The following BNC2 variants were observed in gnomAD, a reference collection of about 807,000 sequenced individuals.
BNC2 encodes the protein basonuclin zinc finger protein 2.
Under a neutral mutation model 76.3 loss-of-function variants are expected in BNC2, and 20 were observed. The observed-to-expected ratio is 0.26, with a 90% CI of 0.18 to 0.38. The LOEUF (loss-of-function observed/expected upper bound fraction) is 0.38, where lower values mean the gene tolerates loss of function less well. Among genes scored for constraint, BNC2 ranks in the 10% least tolerant of loss-of-function variants. The pLI is 1.00. For synonymous variants in BNC2, 582 were observed against 514.8 expected, an observed-to-expected ratio of 1.13 and a Z score of -1.77; for missense variants, 1,382 against 1,399.8, an observed-to-expected ratio of 0.99 and a Z score of 0.20.
chr9:16,727,220 G>C (rs551199805), intron 3 of BNC2: 8 of 154,138 alleles, frequency 5.2e-5, no homozygotes, highest in Non-Finnish European at 1.2e-4. Flanking sequence ...GCGGAGGAGC[G>C]AGGACCGAGC....
chr9:16,737,748 C>A (rs1165547298), intron 2 of BNC2, among the ~76,000 whole-genome samples: 1 of 152,088 alleles, frequency 6.6e-6, no homozygotes, highest in Non-Finnish European at 1.5e-5. Flanking sequence ...TGCCAGAAAC[C>A]TATTAATGGC....
rs536225660 is a variant in BNC2, at chr9:16,526,516, C to A, written c.669+26014G>T. On this transcript the variant is annotated intron_variant, in intron 5 of 6. Transcript: ENST00000380672. Reference sequence around the variant, plus strand: ...TTTGCCTTGTGATTCACCTTACTCTCGGCCATTTCCTGAGCCACGTCTGAA... The same window carrying A: ...TTTGCCTTGTGATTCACCTTACTCTAGGCCATTTCCTGAGCCACGTCTGAA... 2.0e-4 allele frequency among the ~76,000 whole-genome samples: 22 copies of A among 112,648 alleles called. No individual in the cohort carries two copies. The South Asian group carries it at 5.6e-3, about 29-fold the overall frequency. 73.9% of individuals were successfully genotyped at this position (112,648 alleles called of 152,430 possible). A position where few individuals can be genotyped will look rare whatever the true frequency, so the allele number is the denominator to read the frequency against.
intron 1 of BNC2, among the ~76,000 whole-genome samples, chr9:16,775,390 T>G (rs905428183): frequency 2.8e-5 from 2 of 71,264 alleles, no homozygotes; most frequent in African/African-American, 1.1e-4. Flanking sequence ...AACACTGATT[T>G]CGTTATTAAA....
chr9:16,447,687 C>G (rs1308101051), intron 5 of BNC2, among the ~76,000 whole-genome samples: 1 of 152,024 alleles, frequency 6.6e-6, no homozygotes, highest in East Asian at 1.9e-4. Flanking sequence ...AGTAAAAATT[C>G]TGCTTGTAAA....
chr9:16,805,153 A>T (rs1208658307), intron 1 of BNC2, among the ~76,000 whole-genome samples: 1 of 152,182 alleles, frequency 6.6e-6, no homozygotes, highest in African/African-American at 2.4e-5. Flanking sequence ...GAGCATTATA[A>T]ATAATCCATG....
chr9:16,499,357 A>C (rs1163895008), intron 5 of BNC2, among the ~76,000 whole-genome samples: 1 of 152,032 alleles, frequency 6.6e-6, no homozygotes, highest in Non-Finnish European at 1.5e-5. Context: ...AGTTTGTATT[A>C]ATCTACTGTT....
At chr9:16,748,627 G>A (rs1406311575) in intron 1 of BNC2, among the ~76,000 whole-genome samples, 1 of 152,006 alleles carries the variant, frequency 6.6e-6, no homozygotes, top group African/African-American at 2.4e-5. Context: ...TGGACCACTT[G>A]AGGTCAAGAG....
intron 4 of BNC2, among the ~76,000 whole-genome samples, chr9:16,554,941 T>C (rs1319157413): frequency 6.6e-6 from 1 of 152,232 alleles, no homozygotes; most frequent in Non-Finnish European, 1.5e-5. Flanking sequence ...TGCAGGTGTG[T>C]GTGCAAATGC....
At chr9:16,637,911 T>C (rs1265566962) in intron 3 of BNC2, among the ~76,000 whole-genome samples, 1 of 152,250 alleles carries the variant, frequency 6.6e-6, no homozygotes, top group Non-Finnish European at 1.5e-5. Flanking sequence ...AATAAACAGA[T>C]TTTAAGTGCC....
intron 3 of BNC2, among the ~76,000 whole-genome samples, chr9:16,702,705 G>C (rs1209432151): frequency 6.6e-6 from 1 of 152,132 alleles, no homozygotes; most frequent in Non-Finnish European, 1.5e-5. Flanking sequence ...ATAAGCCACA[G>C]AGCAGGTCAA....
chr9:16,804,864 C>T (rs1350035679), intron 1 of BNC2, among the ~76,000 whole-genome samples: 1 of 152,006 alleles, frequency 6.6e-6, no homozygotes, highest in East Asian at 1.9e-4. Context: ...GAGTTTGAGA[C>T]CAGCCTGGCC....
chr9:16,643,239 G>T (rs1001356395), intron 3 of BNC2, among the ~76,000 whole-genome samples: 1 of 151,378 alleles, frequency 6.6e-6, no homozygotes, highest in Non-Finnish European at 1.5e-5. Context: ...CTGGGAAGTG[G>T]AGGTTGCAGT....
chr9:16,465,954 C>G (rs1289724342), intron 5 of BNC2, among the ~76,000 whole-genome samples: 2 of 142,082 alleles, frequency 1.4e-5, no homozygotes, highest in Non-Finnish European at 3.0e-5. Flanking sequence ...CCAAAATCTC[C>G]TTAAGCTGAT....
At chr9:16,557,674 G>A (rs1246040939) in intron 4 of BNC2, among the ~76,000 whole-genome samples, 1 of 151,830 alleles carries the variant, frequency 6.6e-6, no homozygotes, top group Admixed American at 6.6e-5. Flanking sequence ...ATCTCAGTGG[G>A]CTGAACTGTA....
chr9:16,844,073 A>C (rs1180128954), intron 1 of BNC2, among the ~76,000 whole-genome samples: 1 of 152,178 alleles, frequency 6.6e-6, no homozygotes, highest in Non-Finnish European at 1.5e-5. Flanking sequence ...CAGCCTGGGC[A>C]ACATAGTGAG....
At chr9:16,505,434 G>C (rs140517877) in intron 5 of BNC2, among the ~76,000 whole-genome samples, 1 of 152,182 alleles carries the variant, frequency 6.6e-6, no homozygotes, top group Non-Finnish European at 1.5e-5. Flanking sequence ...ATCTATGAAG[G>C]TGAAAACACA....
intron 1 of BNC2, among the ~76,000 whole-genome samples, chr9:16,850,617 T>C (rs1393986031): frequency 6.6e-6 from 1 of 152,198 alleles, no homozygotes; most frequent in Non-Finnish European, 1.5e-5. Flanking sequence ...TGCCTGTAAT[T>C]CCACCACTGT....
chr9:16,792,983 A>AT (rs1208102340), intron 1 of BNC2, among the ~76,000 whole-genome samples: 10 of 152,366 alleles, frequency 6.6e-5, no homozygotes, highest in African/African-American at 2.4e-4. Context: ...TTTGTATCTC[A>AT]TTAGGGGTAT....
chr9:16,643,769 CA>C (rs35255043), intron 3 of BNC2, among the ~76,000 whole-genome samples: 2,438 of 152,180 alleles, frequency 0.016, 52 homozygotes, highest in Non-Finnish European at 0.019. Flanking sequence ...GTAAATGGGA[CA>C]AATACATGGC....
Sources: gnomAD v4.1 joint callset for allele counts (sites outside exome capture counted in the v4.1 genomes callset) on GRCh38, gnomAD v4.1.1 for gene constraint, MANE v1.5 for transcripts, NCBI Gene and HGNC (gene_info 2026-07-23, HGNC 2026-07-21) for gene names.